The following KAZN variants were observed in gnomAD, a reference collection of about 807,000 sequenced individuals.
KAZN encodes the protein kazrin.
In KAZN, 40 loss-of-function variants were observed where a neutral mutation model predicts 87.4. That is an observed-to-expected ratio of 0.46 (90% CI 0.36 to 0.60). KAZN has a LOEUF of 0.60. KAZN is among the 20% of genes least tolerant of loss of function. The pLI is 0.00. For missense variants in KAZN, 898 were observed against 1,073.9 expected, an observed-to-expected ratio of 0.84 and a Z score of 2.29; for synonymous variants, 466 against 458.3, an observed-to-expected ratio of 1.02 and a Z score of -0.22.
intron 1 of KAZN, among the ~76,000 whole-genome samples, chr1:14,813,508 G>C (rs562189275): frequency 1.5e-4 from 23 of 152,296 alleles, no homozygotes; most frequent in Non-Finnish European, 1.9e-4. Flanking sequence ...CATCCTGGAA[G>C]CGGATCTTCT....
intron 1 of KAZN, among the ~76,000 whole-genome samples, chr1:14,956,043 C>T (rs981414253): frequency 3.3e-5 from 5 of 152,132 alleles, no homozygotes; most frequent in African/African-American, 4.8e-5. Context: ...TCTAACTGTG[C>T]GTCTAGGGGT....
intron 2 of KAZN, among the ~76,000 whole-genome samples, chr1:14,314,369 C>G (rs995679679): frequency 6.6e-6 from 1 of 152,108 alleles, no homozygotes; most frequent in South Asian, 2.1e-4. Flanking sequence ...TCCACATTAC[C>G]CAGACTCATC....
intron 1 of KAZN, among the ~76,000 whole-genome samples, chr1:14,167,934 A>G (rs951673798): frequency 2.6e-5 from 4 of 152,278 alleles, no homozygotes; most frequent in East Asian, 3.9e-4. Flanking sequence ...ACCAAATGCC[A>G]TGGCCTCTCA....
chr1:14,430,036 C>A (rs1362015279), intron 2 of KAZN, among the ~76,000 whole-genome samples: 1 of 152,094 alleles, frequency 6.6e-6, no homozygotes, highest in Non-Finnish European at 1.5e-5. Flanking sequence ...CACCAGGCAG[C>A]CTCCAACTCC....
At chr1:14,447,156 G>C (rs942621375) in intron 2 of KAZN, among the ~76,000 whole-genome samples, 3 of 151,206 alleles carry the variant, frequency 2.0e-5, no homozygotes, top group African/African-American at 7.3e-5. Flanking sequence ...TGGTATCCTA[G>C]TGGGAACCCA....
chr1:14,523,610 C>T (rs1671699529), intron 2 of KAZN, among the ~76,000 whole-genome samples: 1 of 152,254 alleles, frequency 6.6e-6, no homozygotes, highest in Non-Finnish European at 1.5e-5. Context: ...CCCAGCACTT[C>T]CTTCACTTTC....
rs145362741 is a variant in KAZN at position 14,396,207 on chromosome 1, A to C, written c.250-202776A>C. On this transcript the variant is annotated intron_variant, in intron 2 of 16. Transcript: ENST00000636203. ...AAACTGCAACAAATAAAGCAAAACA[A>C]GAAAAAACTTAGGTCTTACACTGGT... Among the ~76,000 whole-genome samples, 4 of 152,140 alleles carry C rather than the reference A, an allele frequency of 2.6e-5. No homozygotes were observed. The East Asian group carries it at 7.7e-4, about 29-fold the overall frequency.
intron 2 of KAZN, among the ~76,000 whole-genome samples, chr1:14,556,800 C>T (rs562999967): frequency 1.1e-3 from 160 of 152,302 alleles, no homozygotes; most frequent in Non-Finnish European, 1.8e-3. Context: ...GCTTCAATGG[C>T]CCGTTTGGCT....
chr1:15,073,241 T>C (rs16851223), intron 8 of KAZN, among the ~76,000 whole-genome samples: 13,885 of 152,238 alleles, frequency 0.091, 709 homozygotes, highest in East Asian at 0.26. Context: ...CTGACCTAGC[T>C]TTGGGTTTTA....
chr1:13,979,948 A>G (rs72640518), intron 1 of KAZN, among the ~76,000 whole-genome samples: 21,509 of 150,372 alleles, frequency 0.14, 1,718 homozygotes, highest in South Asian at 0.2. Context: ...AAAAAAAAAA[A>G]AAAGAATTTA....
At chr1:15,012,898 G>T (rs530065337) in intron 2 of KAZN, among the ~76,000 whole-genome samples, 2 of 152,058 alleles carry the variant, frequency 1.3e-5, no homozygotes, top group Non-Finnish European at 2.9e-5. Context: ...CTCCGGCCTC[G>T]GCAACAGAAA....
intron 1 of KAZN, among the ~76,000 whole-genome samples, chr1:14,605,892 T>C (rs1179579918): frequency 6.6e-6 from 1 of 152,242 alleles, no homozygotes; most frequent in Admixed American, 6.5e-5. Context: ...GGGATGATAG[T>C]AGCAGACTTC....
At chr1:14,670,654 G>C (rs1639865191) in intron 1 of KAZN, among the ~76,000 whole-genome samples, 2 of 152,176 alleles carry the variant, frequency 1.3e-5, no homozygotes, top group Non-Finnish European at 2.9e-5. Flanking sequence ...TTCATACCAA[G>C]AATTTGAGAA....
chr1:14,061,585 T>A (rs376755776), intron 1 of KAZN, among the ~76,000 whole-genome samples: 2 of 152,192 alleles, frequency 1.3e-5, no homozygotes, highest in Non-Finnish European at 2.9e-5. Context: ...TAAAGTAGGT[T>A]TGGATTTCAC....
intron 2 of KAZN, among the ~76,000 whole-genome samples, chr1:14,406,050 T>C (rs1663826095): frequency 6.6e-6 from 1 of 152,166 alleles, no homozygotes; most frequent in African/African-American, 2.4e-5. Context: ...ATAGGGTGAC[T>C]ATGGTCAACA....
At chr1:14,558,815 T>A (rs921773777) in intron 2 of KAZN, among the ~76,000 whole-genome samples, 4 of 152,176 alleles carry the variant, frequency 2.6e-5, no homozygotes, top group Non-Finnish European at 4.4e-5. Flanking sequence ...GTTAAGCATC[T>A]TTTTGTTGCA....
At chr1:14,782,771 T>G (rs1288973755) in intron 1 of KAZN, among the ~76,000 whole-genome samples, 1 of 152,156 alleles carries the variant, frequency 6.6e-6, no homozygotes, top group Non-Finnish European at 1.5e-5. Context: ...TGTTTCCTGA[T>G]TAAGGCCATT....
At chr1:14,476,600 T>G (rs1273383223) in intron 2 of KAZN, among the ~76,000 whole-genome samples, 1 of 152,222 alleles carries the variant, frequency 6.6e-6, no homozygotes, top group African/African-American at 2.4e-5. Flanking sequence ...TTACTGATAA[T>G]GATTTCCTAG....
chr1:15,076,342 C>T (rs1397164672), intron 8 of KAZN, among the ~76,000 whole-genome samples: 2 of 152,170 alleles, frequency 1.3e-5, no homozygotes, highest in Non-Finnish European at 2.9e-5. Context: ...CAGAATTGAT[C>T]GGCCTCCTAC....
Sources: gnomAD v4.1 joint callset for allele counts (sites outside exome capture counted in the v4.1 genomes callset) on GRCh38, gnomAD v4.1.1 for gene constraint, MANE v1.5 for transcripts, NCBI Gene and HGNC (gene_info 2026-07-23, HGNC 2026-07-21) for gene names.